The following SNTG1 variants were observed in gnomAD, a reference collection of about 807,000 sequenced individuals.
The protein encoded by SNTG1 is gamma-1-syntrophin.
In SNTG1, 39 loss-of-function variants were observed where a neutral mutation model predicts 74.7. That is an observed-to-expected ratio of 0.52 (90% confidence interval 0.40 to 0.68). The LOEUF (loss-of-function observed/expected upper bound fraction) is 0.68, where lower values mean the gene tolerates loss of function less well. Among genes scored for constraint, SNTG1 ranks in the 30% least tolerant of loss-of-function variants. The pLI is 0.00. For missense variants in SNTG1, 685 were observed against 609.5 expected (o/e 1.12, Z -1.30); for synonymous variants, 254 against 217.1 (o/e 1.17, Z -1.49).
chr8:50,503,760 A>G (rs1229926671), intron 9 of SNTG1, among the ~76,000 whole-genome samples: 1 of 152,192 alleles, frequency 6.6e-6, no homozygotes, highest in Non-Finnish European at 1.5e-5. Flanking sequence ...TGAATGTACT[A>G]CATTTATTAA....
At chr8:50,187,972 T>C (rs2083442552) in intron 2 of SNTG1, among the ~76,000 whole-genome samples, 1 of 152,116 alleles carries the variant, frequency 6.6e-6, no homozygotes, top group Non-Finnish European at 1.5e-5. Context: ...TTTCAGCACA[T>C]ACATATTATC....
intron 13 of SNTG1, among the ~76,000 whole-genome samples, chr8:50,625,949 T>C (rs2094953682): frequency 6.6e-6 from 1 of 152,182 alleles, no homozygotes; most frequent in South Asian, 2.1e-4. Flanking sequence ...TGTGCTTTCC[T>C]TCCCAGTGAG....
At chr8:50,675,478 G>T (rs1345702302) in intron 15 of SNTG1, among the ~76,000 whole-genome samples, 2 of 151,692 alleles carry the variant, frequency 1.3e-5, no homozygotes, top group Admixed American at 6.6e-5. Flanking sequence ...GACTAGGATT[G>T]CAACCCCTAC....
At chr8:50,778,860 C>G (rs1043516088) in intron 18 of SNTG1, among the ~76,000 whole-genome samples, 1 of 151,814 alleles carries the variant, frequency 6.6e-6, no homozygotes, top group African/African-American at 2.4e-5. Flanking sequence ...GTCTTTAATC[C>G]ATCTTGAATT....
intron 2 of SNTG1, among the ~76,000 whole-genome samples, chr8:50,209,940 A>G (rs963517556): frequency 3.9e-5 from 6 of 152,228 alleles, no homozygotes; most frequent in African/African-American, 1.4e-4. Context: ...GAACTAAAGG[A>G]GGATGTACGA....
At chr8:50,182,544 A>T (rs2131723623) in intron 2 of SNTG1, among the ~76,000 whole-genome samples, 1 of 152,330 alleles carries the variant, frequency 6.6e-6, no homozygotes, top group Admixed American at 6.5e-5. Context: ...GAGTACAGAT[A>T]TCCTAATATA....
rs1041055423 is a variant in SNTG1, at chr8:50,793,501, T to A, written c.*672T>A. ...AATGGACTATTCTCCCTTGGATCAC[T>A]GTTATTGAAATGTCTTATTAGCTGC... is the stretch of plus-strand genomic sequence containing the variant. On this transcript the variant is annotated 3_prime_UTR_variant, in exon 19 of 19. Coordinates refer to ENST00000642720, the MANE Select transcript of SNTG1 (RefSeq NM_018967.5). 3 of 152,002 alleles carry A rather than the reference T, an allele frequency of 2.0e-5. No individual in the cohort carries two copies. The highest frequency in any genetic ancestry group is 4.4e-5 in the Non-Finnish European group (3 of 67,910). 9.4% of individuals were successfully genotyped at this position (152,002 alleles called of 1,614,324 possible).
chr8:50,611,997 G>A (rs1443536137), intron 13 of SNTG1, among the ~76,000 whole-genome samples: 1 of 152,056 alleles, frequency 6.6e-6, no homozygotes, highest in Non-Finnish European at 1.5e-5. Flanking sequence ...GGTTCAAACG[G>A]TTCATCTGCC....
intron 6 of SNTG1, among the ~76,000 whole-genome samples, 185 bp from the exon 7 acceptor site, chr8:50,450,371 G>C (rs557991593): frequency 6.6e-6 from 1 of 152,268 alleles, no homozygotes; most frequent in Non-Finnish European, 1.5e-5. Context: ...GTCTGCATGT[G>C]CTTCAGTAAT....
At chr8:49,947,983 T>G (rs140149572) in intron 1 of SNTG1, among the ~76,000 whole-genome samples, 3 of 152,056 alleles carry the variant, frequency 2.0e-5, no homozygotes, top group Non-Finnish European at 4.4e-5. Flanking sequence ...ATACAAAAAT[T>G]AGCTGGTTAT....
At chr8:50,720,391 T>C (rs2095484918) in intron 17 of SNTG1, among the ~76,000 whole-genome samples, 1 of 152,198 alleles carries the variant, frequency 6.6e-6, no homozygotes, top group African/African-American at 2.4e-5. Context: ...ATAGGACTTG[T>C]CAATTTATTT....
chr8:50,290,458 G>A (rs1162253955), intron 2 of SNTG1, among the ~76,000 whole-genome samples: 1 of 152,120 alleles, frequency 6.6e-6, no homozygotes, highest in African/African-American at 2.4e-5. Flanking sequence ...AGAATGTGAG[G>A]CCTTTGCCGG....
chr8:50,230,115 A>C (rs908241455), intron 2 of SNTG1, among the ~76,000 whole-genome samples: 5 of 151,432 alleles, frequency 3.3e-5, no homozygotes, highest in Non-Finnish European at 3.0e-5. Context: ...ATTAACAACA[A>C]AATTAGAGAA....
At chr8:50,311,804 T>G (rs2090124685) in intron 2 of SNTG1, among the ~76,000 whole-genome samples, 1 of 152,202 alleles carries the variant, frequency 6.6e-6, no homozygotes, top group Non-Finnish European at 1.5e-5. Context: ...AAATACACTT[T>G]GTATAGTTTT....
At chr8:50,010,392 C>A (rs1222649344) in intron 1 of SNTG1, among the ~76,000 whole-genome samples, 1 of 152,078 alleles carries the variant, frequency 6.6e-6, no homozygotes, top group Non-Finnish European at 1.5e-5. Context: ...TGCTCTTTGA[C>A]AATTTAATAA....
intron 4 of SNTG1, among the ~76,000 whole-genome samples, chr8:50,433,494 C>A (rs1303274315): frequency 2.8e-5 from 2 of 71,634 alleles, no homozygotes; most frequent in African/African-American, 7.5e-5. Flanking sequence ...TTTTTTTTTT[C>A]ATTCTAATTC....
chr8:50,253,352 G>A (rs1363392161), intron 2 of SNTG1, among the ~76,000 whole-genome samples: 1 of 152,116 alleles, frequency 6.6e-6, no homozygotes, highest in African/African-American at 2.4e-5. Flanking sequence ...GAACCTGGGA[G>A]GCAGAGGTGA....
intron 1 of SNTG1, among the ~76,000 whole-genome samples, chr8:50,129,645 T>C (rs1317781320): frequency 1.3e-5 from 2 of 152,108 alleles, no homozygotes; most frequent in Non-Finnish European, 1.5e-5. Context: ...AATTGTGTTA[T>C]GGAGAAACCA....
intron 2 of SNTG1, among the ~76,000 whole-genome samples, chr8:50,364,328 C>T (rs1378903782): frequency 6.6e-6 from 1 of 152,148 alleles, no homozygotes; most frequent in African/African-American, 2.4e-5. Flanking sequence ...TCACCTTTAT[C>T]ACTCTTATCA....
Sources: allele counts gnomAD v4.1 joint callset (sites outside exome capture counted in the v4.1 genomes callset), GRCh38; gene constraint gnomAD v4.1.1; transcripts MANE v1.5; gene names NCBI Gene and HGNC (gene_info 2026-07-23, HGNC 2026-07-21).